Variants in SLC25A12 observed in about 807,000 individuals in gnomAD.
The protein encoded by SLC25A12 is solute carrier family 25 member 12.
SLC25A12 carries 32 observed loss-of-function variants against 83.3 expected under a neutral mutation model. That is an observed-to-expected ratio of 0.38 (90% CI 0.29 to 0.52). The LOEUF (loss-of-function observed/expected upper bound fraction) is 0.52, where lower values mean the gene tolerates loss of function less well. SLC25A12 is among the 20% of genes least tolerant of loss of function. SLC25A12 has a pLI of 0.84. For missense variants in SLC25A12, 611 were observed against 835.6 expected, an observed-to-expected ratio of 0.73 and a Z score of 3.31; for synonymous variants, 267 against 291.1, an observed-to-expected ratio of 0.92 and a Z score of 0.84.
At chr2:171,889,605 C>A (rs998813373) in intron 2 of SLC25A12, among the ~76,000 whole-genome samples, 1 of 152,220 alleles carries the variant, frequency 6.6e-6, no homozygotes, top group East Asian at 1.9e-4. Flanking sequence ...AATTCCTTGG[C>A]TAACTATTCT....
In SLC25A12 at chr2:171,844,239, G is replaced by A. The variant is rs1277323229; in HGVS notation, c.465+130C>T. 6 of 911,330 alleles carry A rather than the reference G, an allele frequency of 6.6e-6. No individual in the cohort carries two copies. In the Admixed American group the frequency reaches 9.1e-5, roughly 14 times the overall value. 56.5% of individuals were successfully genotyped at this position (911,330 alleles called of 1,614,324 possible). ...AGTTTAAAGAAGTTGTCTCTGGCGA[G>A]GGGGAAATTTAAAAAATAGGAGTGA... On this transcript the variant is annotated intron_variant, in intron 5 of 17. Transcript: ENST00000422440.
In SLC25A12 at chr2:171,834,781, G is replaced by A. The variant is rs573694738; in HGVS notation, c.697C>T (p.Arg233Cys). The A allele has an allele frequency of 2.3e-5, 37 of 1,613,774 alleles. No individual in the cohort carries two copies. The East Asian group carries it at 4.2e-4, about 18-fold the overall frequency. ...CCAGCTAGAGTGCTATATATCTTAC[G>A]AACAAGCTCCATGTTATTCAGTAAC... ...NSLLNNMELV[R>C]KIYSTLAGTR... is the part of the protein sequence containing the mutation. The change falls in exon 7 of 18, where the codon CGT becomes TGT. Residue 233 changes from arginine (R) to cysteine (C), a missense_variant. Around this residue, in one of 3 missense-constraint regions of SLC25A12, gnomAD observed 540 missense variants for 777.5 expected, o/e 0.69. Coordinates refer to ENST00000422440, the MANE Select transcript of SLC25A12 (RefSeq NM_003705.5).
intron 9 of SLC25A12, among the ~76,000 whole-genome samples, chr2:171,822,437 G>A (rs1684212798): frequency 6.6e-6 from 1 of 152,160 alleles, no homozygotes; most frequent in African/African-American, 2.4e-5. Context: ...AGGCTGGAGT[G>A]CAGTAGTGTG....
intron 2 of SLC25A12, among the ~76,000 whole-genome samples, chr2:171,883,298 T>C (rs1223463636): frequency 6.6e-6 from 1 of 152,226 alleles, no homozygotes; most frequent in African/African-American, 2.4e-5. Flanking sequence ...AACATCCCTA[T>C]GTGCTAGGTG....
chr2:171,814,452 G>A (rs957503649), intron 10 of SLC25A12, among the ~76,000 whole-genome samples: 1 of 151,738 alleles, frequency 6.6e-6, no homozygotes, highest in East Asian at 1.9e-4. Context: ...TTTATTTCAC[G>A]AGGTTCTGGG....
chr2:171,885,947 T>C (rs1685808666), intron 2 of SLC25A12, among the ~76,000 whole-genome samples: 1 of 152,212 alleles, frequency 6.6e-6, no homozygotes, highest in African/African-American at 2.4e-5. Flanking sequence ...TTCCTCTTTA[T>C]TCTTCCCTCA....
intron 13 of SLC25A12, among the ~76,000 whole-genome samples, chr2:171,798,258 T>C (rs1319899234): frequency 6.6e-6 from 1 of 152,232 alleles, no homozygotes; most frequent in Middle Eastern, 3.2e-3. Context: ...TTTTGAGATG[T>C]CACCATGCCT....
At chr2:171,835,526 C>T (rs1462779319) in intron 6 of SLC25A12, among the ~76,000 whole-genome samples, 2 of 152,174 alleles carry the variant, frequency 1.3e-5, no homozygotes, top group Non-Finnish European at 1.5e-5. Flanking sequence ...CCTGAGATGG[C>T]GGGCAACGTG....
chr2:171,798,835 G>A (rs1683653021), intron 13 of SLC25A12, among the ~76,000 whole-genome samples: 1 of 152,200 alleles, frequency 6.6e-6, no homozygotes, highest in African/African-American at 2.4e-5. Context: ...CTAGGGTAAG[G>A]GAAGTGCTAT....
At chr2:171,792,321 T>C (rs1408420689) in intron 14 of SLC25A12, among the ~76,000 whole-genome samples, 3 of 151,516 alleles carry the variant, frequency 2.0e-5, no homozygotes, top group Non-Finnish European at 4.4e-5. Flanking sequence ...AGGGTCTCAC[T>C]ATGTTGCCCA....
intron 2 of SLC25A12, among the ~76,000 whole-genome samples, chr2:171,881,892 A>G (rs1337737978): frequency 1.3e-5 from 2 of 152,234 alleles, no homozygotes; most frequent in Non-Finnish European, 1.5e-5. Context: ...ACCATAAGAA[A>G]AAGACTAGAA....
Position 171,785,384 on chromosome 2 carries a change from T to C in SLC25A12, c.1927A>G (p.Thr643Ala). ...TTTTCGATGCCTGCAAACGTGGCTGTGGCGAGTCTGTATCCACCGATGTGA... is the reference window on the plus strand; with the variant it reads ...TTTTCGATGCCTGCAAACGTGGCTGCGGCGAGTCTGTATCCACCGATGTGA... The part of the protein sequence containing the change: ...PDHIGGYRLA[T>A]ATFAGIENKF... The change falls in exon 18 of 18, where the codon ACA becomes GCA. Residue 643 changes from threonine to alanine, a missense_variant. Around this residue, in one of 3 missense-constraint regions of SLC25A12, gnomAD observed 540 missense variants for 777.5 expected, o/e 0.69. Transcript: ENST00000422440. 1 of 1,614,222 alleles carries C rather than the reference T, an allele frequency of 6.2e-7. No individual in the cohort carries two copies. Among genetic ancestry groups the C allele is most frequent in the South Asian group, 1.1e-5 (1 of 91,084 alleles).
At chr2:171,812,573 A>G (rs1056714569) in intron 11 of SLC25A12, among the ~76,000 whole-genome samples, 1 of 151,774 alleles carries the variant, frequency 6.6e-6, no homozygotes, top group African/African-American at 2.4e-5. Flanking sequence ...AAACACATAC[A>G]TGAAAGTCAT....
intron 9 of SLC25A12, among the ~76,000 whole-genome samples, chr2:171,815,717 T>TA (rs1232193347): frequency 6.6e-6 from 1 of 151,976 alleles, no homozygotes; most frequent in African/African-American, 2.4e-5. Flanking sequence ...TCTATAATAA[T>TA]AAAAAAGAGA....
At chr2:171,843,412 T>C (rs1211218980) in intron 5 of SLC25A12, among the ~76,000 whole-genome samples, 1 of 70,438 alleles carries the variant, frequency 1.4e-5, no homozygotes, top group African/African-American at 5.8e-5. Flanking sequence ...GGCAGGCAGA[T>C]CACTTGAGGC....
chr2:171,837,316 A>G, intron 5 of SLC25A12, 49 bp from the exon 6 acceptor site: 1 of 1,602,126 alleles, frequency 6.2e-7, no homozygotes, highest in Non-Finnish European at 8.6e-7. Context: ...ACACATTCCA[A>G]GTACATGGTT....
intron 8 of SLC25A12, among the ~76,000 whole-genome samples, chr2:171,828,999 A>T (rs1313646516): frequency 6.6e-6 from 1 of 152,218 alleles, no homozygotes; most frequent in Admixed American, 6.5e-5. Context: ...GGGATGCCCC[A>T]GGTAAAATTT....
At chr2:171,840,343 G>A (rs1206728202) in intron 5 of SLC25A12, among the ~76,000 whole-genome samples, 1 of 151,708 alleles carries the variant, frequency 6.6e-6, no homozygotes, top group Non-Finnish European at 1.5e-5. Context: ...CCATGATCCT[G>A]TCACTGCACT....
intron 2 of SLC25A12, among the ~76,000 whole-genome samples, chr2:171,875,628 T>C (rs1224224252): frequency 6.6e-6 from 1 of 152,024 alleles, no homozygotes; most frequent in Non-Finnish European, 1.5e-5. Flanking sequence ...AACCTGCACA[T>C]GGGGGCCGGG....
Sources: allele counts gnomAD v4.1 joint callset (sites outside exome capture counted in the v4.1 genomes callset), GRCh38; gene constraint gnomAD v4.1.1; regional missense constraint gnomAD v4.1.1; transcripts MANE v1.5; gene names NCBI Gene and HGNC (gene_info 2026-07-23, HGNC 2026-07-21).